The following ADA variants were observed in gnomAD, a reference collection of about 807,000 sequenced individuals.
ADA encodes the protein adenosine deaminase, also known as adenosine aminohydrolase.
Under a neutral mutation model 49.0 loss-of-function variants are expected in ADA, and 45 were observed. That is an observed-to-expected ratio of 0.92 (90% CI 0.72 to 1.18). The LOEUF (loss-of-function observed/expected upper bound fraction) is 1.18, where lower values mean the gene tolerates loss of function less well. Ranked by LOEUF, ADA falls within the 50% of genes most tolerant of loss-of-function variation. The pLI, the probability that ADA is intolerant of heterozygous loss-of-function variation, is 0.00. For synonymous variants in ADA, 173 were observed against 184.2 expected, an observed-to-expected ratio of 0.94 and a Z score of 0.49; for missense variants, 445 against 472.5, an observed-to-expected ratio of 0.94 and a Z score of 0.54.
At chr20:44,620,482 T>G in intron 10 of ADA, 81 bp from the exon 11 acceptor site, 1 of 1,187,020 alleles carries the variant, frequency 8.4e-7, no homozygotes, top group Non-Finnish European at 1.3e-6. Flanking sequence ...TAGTCCATCC[T>G]CTTCACTCAA....
rs552584971 is a variant in ADA at position 44,628,409 on chromosome 20, C to T, written c.218+638G>A. On this transcript the variant is annotated intron_variant, in intron 3 of 11. Coordinates refer to ENST00000372874, the MANE Select transcript of ADA (RefSeq NM_000022.4). ...GGGTGTGATGGTGGGTGCCTGTGAT[C>T]CCAGCTACTTGGGAGGCTAAAGCAG... Among the ~76,000 whole-genome samples the T allele has an allele frequency of 2.6e-5, 4 of 152,194 alleles. No individual in the cohort carries two copies. The South Asian group carries it at 8.3e-4, about 32-fold the overall frequency.
chr20:44,645,220 G>A (rs2057639), intron 1 of ADA, among the ~76,000 whole-genome samples: 80,596 of 151,470 alleles, frequency 0.53, 22,181 homozygotes, highest in East Asian at 0.75. Context: ...AGGACCAGCG[G>A]GGGCAAGTGT....
chr20:44,639,455 C>T (rs1296524202), intron 1 of ADA, among the ~76,000 whole-genome samples: 1 of 152,026 alleles, frequency 6.6e-6, no homozygotes, highest in African/African-American at 2.4e-5. Flanking sequence ...CTCTGTTGCC[C>T]AGGCTGGAGT....
At chr20:44,632,967 T>G (rs2299695) in intron 2 of ADA, among the ~76,000 whole-genome samples, 13,546 of 152,340 alleles carry the variant, frequency 0.089, 718 homozygotes, top group South Asian at 0.24. Flanking sequence ...GTGCTGGGAT[T>G]ACAGGCGTGA....
At chr20:44,629,429 TG>T (rs1811592119) in intron 2 of ADA, among the ~76,000 whole-genome samples, 1 of 152,174 alleles carries the variant, frequency 6.6e-6, no homozygotes, top group Non-Finnish European at 1.5e-5. Flanking sequence ...TGTGTGTGTG[TG>T]TGTGTGTGTA....
intron 5 of ADA, 137 bp downstream of exon 5, chr20:44,625,432 G>A (rs1002170584): frequency 6.3e-6 from 5 of 789,466 alleles, no homozygotes; most frequent in Non-Finnish European, 1.1e-5. Context: ...GAAGCCCCAA[G>A]TTCATGCCAG....
rs1478716568 is a variant in ADA, at chr20:44,625,439, C to G, written c.478+130G>C. On this transcript the variant is annotated intron_variant, in intron 5 of 11. Transcript: ENST00000372874. The stretch of plus-strand genomic sequence containing the variant: ...TGTTTCATGAAGCCCCAAGTTCATG[C>G]CAGTGGGCTCAAGGGGACACCATGG... The G allele has an allele frequency of 4.8e-6, 4 of 826,456 alleles. No individual in the cohort carries two copies. The Admixed American group carries it at 6.2e-5, about 13-fold the overall frequency. 51.2% of individuals were successfully genotyped at this position (826,456 alleles called of 1,614,324 possible). A position where few individuals can be genotyped will look rare whatever the true frequency, so the allele number is the denominator to read the frequency against.
rs990222686 is a variant in ADA, at chr20:44,619,548, T to C, written c.*286A>G. On this transcript the variant is annotated 3_prime_UTR_variant, in exon 12 of 12. Transcript: ENST00000372874. Reference sequence around the variant, plus strand: ...GCATGCCACCAGCCATGGGCTTCTTTATTGAGCACCAGATTTTCAGTACAA... The same window carrying C: ...GCATGCCACCAGCCATGGGCTTCTTCATTGAGCACCAGATTTTCAGTACAA... 1 of 440,470 alleles carries C rather than the reference T, an allele frequency of 2.3e-6. No individual in the cohort carries two copies. Among genetic ancestry groups the C allele is most frequent in the Non-Finnish European group, 4.2e-6 (1 of 237,476 alleles). The allele number at this position is 440,470 out of a possible 1,614,324, so 27.3% of individuals were successfully genotyped here.
rs983770072 is a variant in ADA, at chr20:44,636,047, T to A, written c.95+180A>T. On this transcript the variant is annotated intron_variant, in intron 2 of 11. Coordinates refer to ENST00000372874, the MANE Select transcript of ADA (RefSeq NM_000022.4). ...GAAAGCTCAGGAGTTGGTCTGCGGG[T>A]CTCCAGCTCAGTGCTGAGGCCTCCA... 3.3e-5 allele frequency: 21 copies of A among 643,930 alleles called. No homozygotes were observed. In the African/African-American group the frequency reaches 3.5e-4, roughly 11 times the overall value. The allele number at this position is 643,930 out of a possible 1,614,324, so 39.9% of individuals were successfully genotyped here.
In ADA at chr20:44,622,885, T is replaced by A; in HGVS notation, c.724A>T (p.Thr242Ser). Residue 242 changes from threonine to serine, a missense_variant, in exon 8 of 12, where the codon ACC (threonine) becomes TCC (serine). Transcript: ENST00000372874. The part of the protein sequence containing the change: ...KTERLGHGYH[T>S]LEDQALYNRL... ...TTATAAAGGGCCTGGTCTTCCAGGG[T>A]GTGGTAGCCGTGTCCCAGCCGCTCT... is the stretch of plus-strand genomic sequence containing the variant. The A allele has an allele frequency of 5.0e-6, 8 of 1,614,160 alleles. No individual in the cohort carries two copies. The highest frequency in any genetic ancestry group is 6.8e-6 in the Non-Finnish European group (8 of 1,180,024).
intron 6 of ADA, among the ~76,000 whole-genome samples, chr20:44,623,584 C>T (rs1426401498): frequency 6.6e-6 from 1 of 152,192 alleles, no homozygotes; most frequent in African/African-American, 2.4e-5. Context: ...GTTCACACAG[C>T]AAATCACAGC....
intron 3 of ADA, among the ~76,000 whole-genome samples, chr20:44,628,177 G>A (rs565800495): frequency 1.7e-4 from 26 of 152,188 alleles, no homozygotes; most frequent in Admixed American, 8.5e-4. Flanking sequence ...CCTGCCCAGG[G>A]GAGATCAGGC....
chr20:44,649,761 C>A (rs395896), intron 1 of ADA, among the ~76,000 whole-genome samples: 47,496 of 126,798 alleles, frequency 0.37, 8,767 homozygotes, highest in South Asian at 0.45. Context: ...TTTGAGACAG[C>A]GTCTCACTCT....
chr20:44,645,871 A>G (rs905335779), intron 1 of ADA, among the ~76,000 whole-genome samples: 12 of 152,132 alleles, frequency 7.9e-5, no homozygotes, highest in Admixed American at 3.9e-4. Context: ...TCCAAGTTCA[A>G]ATTCCTTGCT....
At chr20:44,629,417 AGTGTGT>A (rs71825229) in intron 2 of ADA, among the ~76,000 whole-genome samples, 5 of 150,280 alleles carry the variant, frequency 3.3e-5, no homozygotes, top group African/African-American at 9.7e-5. Flanking sequence ...AACAGGTTGA[AGTGTGT>A]GTGTGTGTGT....
intron 3 of ADA, among the ~76,000 whole-genome samples, chr20:44,628,448 A>G (rs1357650119): frequency 2.0e-5 from 3 of 152,004 alleles, no homozygotes; most frequent in Admixed American, 2.0e-4. Flanking sequence ...AATCCCTTAA[A>G]CTGGGAGGTG....
In ADA at chr20:44,629,097, G is replaced by A; in HGVS notation, c.168C>T (p.Leu56=). 6.2e-7 allele frequency: 1 copy of A among 1,614,216 alleles called. No homozygotes were observed. Residue 56 remains leucine, a synonymous_variant, in exon 3 of 12, where the codon CTC becomes CTT. Coordinates refer to ENST00000372874, the MANE Select transcript of ADA (RefSeq NM_000022.4). ...ACTTGGCCAGGAAGTCTGGAAGGGTGAGCGGCTTGTCCATGCCAATGACGT... is the reference window on the plus strand; with the variant it reads ...ACTTGGCCAGGAAGTCTGGAAGGGTAAGCGGCTTGTCCATGCCAATGACGT... ...LLNVIGMDKP[L]TLPDFLAKFD...
At chr20:44,621,850 C>T (rs2065335355) in intron 9 of ADA, among the ~76,000 whole-genome samples, 1 of 152,126 alleles carries the variant, frequency 6.6e-6, no homozygotes, top group Admixed American at 6.5e-5. Flanking sequence ...ACTCCTGGAT[C>T]TTTTTCCAGC....
chr20:44,637,723 G>C (rs1349298480), intron 1 of ADA, among the ~76,000 whole-genome samples: 2 of 152,166 alleles, frequency 1.3e-5, no homozygotes, highest in Non-Finnish European at 1.5e-5. Context: ...GGCCAGCAGG[G>C]AACAGAGACA....
Sources: gnomAD v4.1 joint callset for allele counts (sites outside exome capture counted in the v4.1 genomes callset) on GRCh38, gnomAD v4.1.1 for gene constraint, MANE v1.5 for transcripts, NCBI Gene and HGNC (gene_info 2026-07-23, HGNC 2026-07-21) for gene names.